HSPA12A: variants seen among roughly 807,000 people sequenced by gnomAD.
The protein encoded by HSPA12A is heat shock 70 kDa protein 12A.
HSPA12A carries 28 observed loss-of-function variants against 69.2 expected under a neutral mutation model. The ratio of observed to expected loss-of-function variants is 0.40; its 90% CI spans 0.30 to 0.55. HSPA12A has a LOEUF of 0.55. Among genes scored for constraint, HSPA12A ranks in the 20% least tolerant of loss-of-function variants. The pLI, the probability that HSPA12A is intolerant of heterozygous loss-of-function variation, is 0.38. For synonymous variants in HSPA12A, 345 were observed against 370.5 expected, an observed-to-expected ratio of 0.93 and a Z score of 0.79; for missense variants, 686 against 900.7, an observed-to-expected ratio of 0.76 and a Z score of 3.05.
chr10:116,789,725 G>A (rs1212195988), intron 2 of HSPA12A, among the ~76,000 whole-genome samples: 4 of 152,164 alleles, frequency 2.6e-5, no homozygotes, highest in African/African-American at 4.8e-5. Flanking sequence ...TCAACACGTC[G>A]TAGAGTGAAG....
Position 116,675,188 on chromosome 10 carries a change from C to T in HSPA12A, c.1621G>A (p.Val541Met), listed in dbSNP as rs781946508. ...RRSPLTYGVG[V>M]LNRYVEGKHP... The stretch of plus-strand genomic sequence containing the variant: ...TTGCCCTCCACGTAGCGGTTCAGCA[C>T]GCCTACCCCGTAGGTGAGCGGCGAC... Residue 541 changes from valine to methionine, a missense_variant, in exon 12 of 12, where the codon GTG becomes ATG. By Grantham distance (21) the Val-to-Met change is conservative. Transcript: ENST00000369209. This position sits in a 1 kb window ranked among gnomAD's most constrained non-coding sequence, Gnocchi z 5.2. 1.4e-5 allele frequency: 23 copies of T among 1,613,786 alleles called. No homozygotes were observed. The highest frequency in any genetic ancestry group is 1.9e-5 in the Non-Finnish European group (23 of 1,180,026).
At chr10:116,771,318 G>A (rs1472674055) in intron 2 of HSPA12A, among the ~76,000 whole-genome samples, 17 of 152,200 alleles carry the variant, frequency 1.1e-4, no homozygotes, top group Admixed American at 1.1e-3. Context: ...TGGCTGTGGA[G>A]GCCACACAGA....
chr10:116,687,742 A>G (rs1849615913), intron 6 of HSPA12A, among the ~76,000 whole-genome samples: 1 of 152,214 alleles, frequency 6.6e-6, no homozygotes, highest in African/African-American at 2.4e-5. Flanking sequence ...GCCAGGGTCA[A>G]CTGCAACCAC....
chr10:116,713,799 A>G (rs1338081796), intron 1 of HSPA12A, among the ~76,000 whole-genome samples: 2 of 152,174 alleles, frequency 1.3e-5, no homozygotes, highest in Non-Finnish European at 2.9e-5. Flanking sequence ...TTCATGAATT[A>G]CACTCCTCAA....
upstream of HSPA12A, chr10:116,849,799 C>T: frequency 6.9e-7 from 1 of 1,446,972 alleles, no homozygotes. Context: ...TGCGGCAACG[C>T]CTTGCGCCTG....
At chr10:116,728,964 G>T (rs1329059920) in intron 1 of HSPA12A, among the ~76,000 whole-genome samples, 1 of 152,136 alleles carries the variant, frequency 6.6e-6, no homozygotes, top group Non-Finnish European at 1.5e-5. Flanking sequence ...GCCTCCCGGG[G>T]CAAGGGCCCT....
At chr10:116,749,859 T>C (rs529549072) in intron 2 of HSPA12A, 3 of 154,066 alleles carry the variant, frequency 1.9e-5, no homozygotes, top group Admixed American at 6.5e-5. Flanking sequence ...TTAAAAGTTG[T>C]GGGCTCTATG....
At chr10:116,825,831 A>G (rs78315008) in intron 2 of HSPA12A, among the ~76,000 whole-genome samples, 8,886 of 152,244 alleles carry the variant, frequency 0.058, 827 homozygotes, top group African/African-American at 0.2. Flanking sequence ...TGAATTATAC[A>G]CTTTGAGTGA....
chr10:116,741,699 A>C (rs1221871543), intron 1 of HSPA12A, among the ~76,000 whole-genome samples: 3 of 152,054 alleles, frequency 2.0e-5, no homozygotes, highest in Non-Finnish European at 4.4e-5. Context: ...TCGGAGCCCT[A>C]ATCACGCTCC....
chr10:116,677,971 T>C (rs1163701515), intron 10 of HSPA12A, among the ~76,000 whole-genome samples: 1 of 135,906 alleles, frequency 7.4e-6, no homozygotes, highest in Non-Finnish European at 1.6e-5. Flanking sequence ...TGGCGGATAC[T>C]AGGAAATTGA....
chr10:116,720,693 G>A (rs1850750026), intron 1 of HSPA12A, among the ~76,000 whole-genome samples: 2 of 152,222 alleles, frequency 1.3e-5, no homozygotes, highest in Non-Finnish European at 2.9e-5. Context: ...TTTGACAGGA[G>A]GGCAAACTGC....
chr10:116,777,249 A>G (rs542860006), intron 2 of HSPA12A, among the ~76,000 whole-genome samples: 2 of 152,362 alleles, frequency 1.3e-5, no homozygotes, highest in Non-Finnish European at 2.9e-5. Flanking sequence ...GCCCCTTGGG[A>G]ACTTTACATG....
At chr10:116,684,814 G>A (rs1159036582) in intron 6 of HSPA12A, among the ~76,000 whole-genome samples, 2 of 152,226 alleles carry the variant, frequency 1.3e-5, no homozygotes, top group Non-Finnish European at 2.9e-5. Context: ...GTAGTAGGCA[G>A]AAGTGCTTCT....
At chr10:116,720,527 C>G (rs1850744284) in intron 1 of HSPA12A, among the ~76,000 whole-genome samples, 1 of 152,230 alleles carries the variant, frequency 6.6e-6, no homozygotes, top group South Asian at 2.1e-4. Flanking sequence ...AATGGCCCCA[C>G]TCCTCCCCAA....
intron 10 of HSPA12A, 37 bp downstream of exon 10, chr10:116,679,466 A>C: frequency 6.2e-7 from 1 of 1,605,314 alleles, no homozygotes; most frequent in Non-Finnish European, 8.5e-7. Flanking sequence ...TCCACCCGCT[A>C]GAATGTCCAG....
intron 2 of HSPA12A, among the ~76,000 whole-genome samples, chr10:116,805,999 T>C (rs1039975249): frequency 6.6e-6 from 1 of 152,134 alleles, no homozygotes; most frequent in African/African-American, 2.4e-5. Flanking sequence ...ACGTGAGAGA[T>C]GCATACTGTC....
intron 9 of HSPA12A, among the ~76,000 whole-genome samples, chr10:116,680,319 T>A (rs1418472592): frequency 6.6e-6 from 1 of 152,148 alleles, no homozygotes; most frequent in South Asian, 2.1e-4. Context: ...ATTACATTTT[T>A]TAAAAAATCA....
At chr10:116,680,875 C>A (rs981404286) in intron 9 of HSPA12A, among the ~76,000 whole-genome samples, 2 of 152,248 alleles carry the variant, frequency 1.3e-5, no homozygotes, top group African/African-American at 4.8e-5. Context: ...GTTGCAATCT[C>A]ATCCTTTCGG....
At chr10:116,850,551 C>G (rs779312178), upstream of HSPA12A, among the ~76,000 whole-genome samples, 2 of 151,898 alleles carry the variant, frequency 1.3e-5, no homozygotes, top group Non-Finnish European at 2.9e-5. Context: ...GGAGTTTGCA[C>G]TATGGCAAGG....
Sources: gnomAD v4.1 joint callset for allele counts (sites outside exome capture counted in the v4.1 genomes callset) on GRCh38, gnomAD v4.1.1 for gene constraint, Gnocchi (gnomAD v3.1) non-coding constraint, MANE v1.5 for transcripts, NCBI Gene and HGNC (gene_info 2026-07-23, HGNC 2026-07-21) for gene names.